Variants in LDLRAD4 observed in about 807,000 individuals in gnomAD.
The protein encoded by LDLRAD4 is low-density lipoprotein receptor class A domain-containing protein 4.
Under a neutral mutation model 17.0 loss-of-function variants are expected in LDLRAD4, and 5 were observed. The ratio of observed to expected loss-of-function variants is 0.29; its 90% CI spans 0.15 to 0.62. The LOEUF (loss-of-function observed/expected upper bound fraction) is 0.62. LDLRAD4 is among the 20% of genes least tolerant of loss of function. The pLI, the probability that LDLRAD4 is intolerant of heterozygous loss-of-function variation, is 0.84. For synonymous variants in LDLRAD4, 168 were observed against 171.8 expected, an observed-to-expected ratio of 0.98 and a Z score of 0.17; for missense variants, 340 against 424.7, an observed-to-expected ratio of 0.80 and a Z score of 1.75.
chr18:13,383,178 C>T (rs533773177), intron 1 of LDLRAD4, among the ~76,000 whole-genome samples: 3 of 152,378 alleles, frequency 2.0e-5, no homozygotes, highest in East Asian at 1.9e-4. Flanking sequence ...GCCTTCTCTG[C>T]GCTGTGTATA....
chr18:13,351,188 G>A (rs1490946637), intron 1 of LDLRAD4, among the ~76,000 whole-genome samples: 4 of 152,100 alleles, frequency 2.6e-5, no homozygotes, highest in Admixed American at 6.5e-5. Flanking sequence ...TAGTTTGATG[G>A]GAATAATATT....
At chr18:13,419,661 G>T (rs1245041065) in intron 2 of LDLRAD4, 1 of 152,224 alleles carries the variant, frequency 6.6e-6, no homozygotes, top group East Asian at 1.9e-4. Context: ...AGTTGCACCA[G>T]GATTCAAACC....
At chr18:13,282,686 G>A (rs931631569) in intron 1 of LDLRAD4, among the ~76,000 whole-genome samples, 1 of 152,180 alleles carries the variant, frequency 6.6e-6, no homozygotes, top group Non-Finnish European at 1.5e-5. Flanking sequence ...GGCATTGAGT[G>A]TCTGTGTCTT....
intron 1 of LDLRAD4, among the ~76,000 whole-genome samples, chr18:13,377,903 G>A (rs930607286): frequency 3.3e-5 from 5 of 152,160 alleles, no homozygotes; most frequent in Non-Finnish European, 7.3e-5. Flanking sequence ...ACCTTGAATT[G>A]GATACCGAGT....
At chr18:13,591,781 C>G (rs1213158765) in intron 3 of LDLRAD4, among the ~76,000 whole-genome samples, 2 of 151,696 alleles carry the variant, frequency 1.3e-5, no homozygotes, top group East Asian at 3.9e-4. Context: ...TAGAACTAAG[C>G]GGTCACTTGT....
rs562083699 is a variant in LDLRAD4 at position 13,621,718 on chromosome 18, G to A, written c.336+447G>A. 1.4e-4 allele frequency among the ~76,000 whole-genome samples: 21 copies of A among 152,312 alleles called. No homozygotes were observed. The highest frequency in any genetic ancestry group is 1.2e-3 in the South Asian group (6 of 4,818). ...CTCATCGTCACTAAACGTGCCGGCA[G>A]CACATGGGTGCCATGAGCTGGAGGA... On this transcript the variant is annotated intron_variant, in intron 4 of 5. Coordinates refer to ENST00000359446, the Ensembl canonical transcript of LDLRAD4. The surrounding 1 kb of genome is among the most constrained non-coding windows in gnomAD (Gnocchi z 5.5).
intron 3 of LDLRAD4, among the ~76,000 whole-genome samples, chr18:13,604,783 C>A (rs1189370705): frequency 1.3e-5 from 2 of 152,128 alleles, no homozygotes; most frequent in African/African-American, 4.8e-5. Context: ...TGATAATATG[C>A]AGATTTCTAT....
At chr18:13,527,759 G>A (rs1211233606) in intron 3 of LDLRAD4, among the ~76,000 whole-genome samples, 1 of 152,190 alleles carries the variant, frequency 6.6e-6, no homozygotes, top group Non-Finnish European at 1.5e-5. Flanking sequence ...GTCTAAATTG[G>A]TGGGTGAAAG....
chr18:13,366,072 C>G (rs2084035551), intron 1 of LDLRAD4: 1 of 151,330 alleles, frequency 6.6e-6, no homozygotes, highest in East Asian at 2.0e-4. Context: ...ACGCCCGGCC[C>G]TTATTTTATT....
intron 1 of LDLRAD4, among the ~76,000 whole-genome samples, chr18:13,260,401 G>A (rs2043750334): frequency 6.6e-6 from 1 of 152,236 alleles, no homozygotes; most frequent in Admixed American, 6.5e-5. Flanking sequence ...TCTGGCTGCG[G>A]AAGATTTTCC....
intron 3 of LDLRAD4, among the ~76,000 whole-genome samples, chr18:13,494,968 C>A (rs2093437268): frequency 6.6e-6 from 1 of 151,876 alleles, no homozygotes; most frequent in African/African-American, 2.4e-5. Context: ...ACCCCGTTTG[C>A]CTTCAACCCT....
rs140012404 is a variant in LDLRAD4 at position 13,398,550 on chromosome 18, G to A, written c.40+10788G>A. On this transcript the variant is annotated intron_variant, in intron 2 of 5. Coordinates refer to ENST00000359446, the Ensembl canonical transcript of LDLRAD4. This position sits in a 1 kb window ranked among gnomAD's most constrained non-coding sequence, Gnocchi z 4.8. ...AAGTAGGAGAGCAGAAAGATGGGTGGGAAAGTGGGAATGACTGTGGGTGGG... is the reference window on the plus strand; with the variant it reads ...AAGTAGGAGAGCAGAAAGATGGGTGAGAAAGTGGGAATGACTGTGGGTGGG... Among the ~76,000 whole-genome samples the A allele has an allele frequency of 5.3e-3, 810 of 152,276 alleles. 6 individuals carry two copies. Among genetic ancestry groups the A allele is most frequent in the Middle Eastern group, 0.014 (4 of 294 alleles).
intron 1 of LDLRAD4, among the ~76,000 whole-genome samples, chr18:13,305,539 C>T (rs1311620093): frequency 6.6e-6 from 1 of 152,172 alleles, no homozygotes; most frequent in African/African-American, 2.4e-5. Flanking sequence ...CCTGCAATAC[C>T]ATAAGCCTCG....
At chr18:13,426,046 T>G (rs1206627537) in intron 2 of LDLRAD4, 1 of 152,598 alleles carries the variant, frequency 6.6e-6, no homozygotes, top group Non-Finnish European at 1.5e-5. Flanking sequence ...AGCTCCTGGG[T>G]GCTGGGCCAT....
intron 3 of LDLRAD4, among the ~76,000 whole-genome samples, chr18:13,560,309 G>T (rs2094527196): frequency 6.6e-6 from 1 of 152,226 alleles, no homozygotes; most frequent in East Asian, 1.9e-4. Flanking sequence ...AGTCTGTCCG[G>T]CTGCTCACCT....
intron 3 of LDLRAD4, among the ~76,000 whole-genome samples, chr18:13,589,426 C>T (rs1185476890): frequency 3.3e-5 from 5 of 152,202 alleles, no homozygotes; most frequent in Non-Finnish European, 7.3e-5. Flanking sequence ...GCAAATCCTC[C>T]GTGGAGACCC....
chr18:13,491,582 G>C (rs1202572750), intron 3 of LDLRAD4: 1 of 152,204 alleles, frequency 6.6e-6, no homozygotes, highest in Non-Finnish European at 1.5e-5. Flanking sequence ...ATTATATGTA[G>C]TGTTGGTGAT....
At chr18:13,313,863 C>T (rs1407568843) in intron 1 of LDLRAD4, among the ~76,000 whole-genome samples, 4 of 151,978 alleles carry the variant, frequency 2.6e-5, no homozygotes, top group South Asian at 4.2e-4. Context: ...CATATTTTAG[C>T]GTTTGGATTA....
At chr18:13,564,800 C>G (rs72882491) in intron 3 of LDLRAD4, among the ~76,000 whole-genome samples, 9 of 151,934 alleles carry the variant, frequency 5.9e-5, no homozygotes, top group East Asian at 1.9e-4. Context: ...TGTGGCTGGT[C>G]GGGGGTCATT....
Sources: allele counts gnomAD v4.1 joint callset (sites outside exome capture counted in the v4.1 genomes callset), GRCh38; gene constraint gnomAD v4.1.1; non-coding constraint Gnocchi (gnomAD v3.1); transcripts MANE v1.5; gene names NCBI Gene and HGNC (gene_info 2026-07-23, HGNC 2026-07-21).